PINX1: variants seen among roughly 807,000 people sequenced by gnomAD.
The protein encoded by PINX1 is PIN2/TERF1-interacting telomerase inhibitor 1.
PINX1 carries 34 observed loss-of-function variants against 25.4 expected under a neutral mutation model. That is an observed-to-expected ratio of 1.34 (90% CI 1.02 to 1.78). The LOEUF (loss-of-function observed/expected upper bound fraction) is 1.78. Among genes scored for constraint, PINX1 ranks in the 40% most tolerant of loss-of-function variants. The probability of loss-of-function intolerance (pLI) is 0.00; values close to 1 mark genes in which losing one functional copy is unlikely to be tolerated. For missense variants in PINX1, 592 were observed against 404.9 expected, an observed-to-expected ratio of 1.46 and a Z score of -3.97; for synonymous variants, 197 against 147.7, an observed-to-expected ratio of 1.33 and a Z score of -2.42.
chr8:10,784,035 TAA>T (rs949049559), intron 6 of PINX1, among the ~76,000 whole-genome samples: 2 of 152,184 alleles, frequency 1.3e-5, no homozygotes, highest in Non-Finnish European at 2.9e-5. Context: ...AGAATCCCTA[TAA>T]AGAGTCTAAA....
chr8:10,774,579 C>G (rs1039662542), intron 6 of PINX1, among the ~76,000 whole-genome samples: 1 of 152,042 alleles, frequency 6.6e-6, no homozygotes, highest in Non-Finnish European at 1.5e-5. Flanking sequence ...CCGTGCCCAG[C>G]CGAATAAGGT....
At chr8:10,771,647 A>C (rs1302714547) in intron 6 of PINX1, among the ~76,000 whole-genome samples, 1 of 152,236 alleles carries the variant, frequency 6.6e-6, no homozygotes, top group Non-Finnish European at 1.5e-5. Flanking sequence ...AGCTGGACCA[A>C]GGCTGTGAAG....
At chr8:10,838,249 T>G (rs57868806) in intron 1 of PINX1, among the ~76,000 whole-genome samples, 18,095 of 152,220 alleles carry the variant, frequency 0.12, 1,717 homozygotes, top group African/African-American at 0.26. Context: ...CCTAAGTATC[T>G]AATTACAGAA....
chr8:10,817,066 A>T (rs1586189220), intron 6 of PINX1, among the ~76,000 whole-genome samples: 2 of 152,190 alleles, frequency 1.3e-5, no homozygotes, highest in East Asian at 3.8e-4. Context: ...CCCTTATTGC[A>T]AGGGTGATGC....
intron 6 of PINX1, among the ~76,000 whole-genome samples, chr8:10,788,209 C>T (rs893475767): frequency 6.6e-6 from 1 of 152,118 alleles, no homozygotes; most frequent in Non-Finnish European, 1.5e-5. Flanking sequence ...AGACAGACTC[C>T]TTTATTATTC....
At chr8:10,765,958 T>C (rs1220563792) in intron 6 of PINX1, 42 bp from the exon 7 acceptor site, 1 of 1,590,354 alleles carries the variant, frequency 6.3e-7, no homozygotes, top group Non-Finnish European at 8.6e-7. Flanking sequence ...AAGCATCAAC[T>C]GTTCATCCCT....
intron 6 of PINX1, among the ~76,000 whole-genome samples, chr8:10,808,129 A>G (rs1419413245): frequency 1.3e-5 from 2 of 152,280 alleles, no homozygotes; most frequent in East Asian, 1.9e-4. Context: ...CGATATTTAC[A>G]TAGCAATAAA....
intron 1 of PINX1, among the ~76,000 whole-genome samples, chr8:10,837,054 G>A (rs1459157566): frequency 2.6e-5 from 4 of 152,238 alleles, no homozygotes; most frequent in African/African-American, 9.6e-5. Flanking sequence ...GCTATCCTTT[G>A]AAAGGCCTGT....
chr8:10,825,559 T>A (rs1012215989), intron 5 of PINX1: 1 of 476,366 alleles, frequency 2.1e-6, no homozygotes, highest in African/African-American at 2.0e-5. Context: ...TTTCACATAC[T>A]GGGAAGGGGC....
At chr8:10,784,510 G>C (rs529975707) in intron 6 of PINX1, among the ~76,000 whole-genome samples, 1 of 152,206 alleles carries the variant, frequency 6.6e-6, no homozygotes, top group African/African-American at 2.4e-5. Context: ...GTTCCTTTTA[G>C]AAAGGGTGCT....
At chr8:10,782,418 G>T (rs930181827) in intron 6 of PINX1, among the ~76,000 whole-genome samples, 2 of 102,040 alleles carry the variant, frequency 2.0e-5, no homozygotes, top group African/African-American at 4.6e-5. Flanking sequence ...AAATATACTC[G>T]ATAAAAAAAA....
At chr8:10,812,419 T>A (rs1162524810) in intron 6 of PINX1, among the ~76,000 whole-genome samples, 1 of 152,210 alleles carries the variant, frequency 6.6e-6, no homozygotes, top group Non-Finnish European at 1.5e-5. Flanking sequence ...CTGGAAGGGC[T>A]TGAATGCATT....
chr8:10,839,630 C>T, intron 1 of PINX1, 108 bp downstream of exon 1: 1 of 1,149,608 alleles, frequency 8.7e-7, no homozygotes, highest in Non-Finnish European at 1.3e-6. Context: ...CGATCCCATG[C>T]GCCAGGCGCG....
chr8:10,827,688 T>C (rs758366517), intron 4 of PINX1, among the ~76,000 whole-genome samples: 4 of 150,654 alleles, frequency 2.7e-5, no homozygotes, highest in Admixed American at 6.6e-5. Flanking sequence ...AGGCAGATCA[T>C]GAGGTCAGGA....
At chr8:10,808,903 T>TG (rs1802538717) in intron 6 of PINX1, among the ~76,000 whole-genome samples, 1 of 152,112 alleles carries the variant, frequency 6.6e-6, no homozygotes, top group Non-Finnish European at 1.5e-5. Context: ...AAGGAAAAGT[T>TG]GGAAAAAAAA....
At chr8:10,817,990 G>A (rs2409656) in intron 6 of PINX1, among the ~76,000 whole-genome samples, 9 of 151,984 alleles carry the variant, frequency 5.9e-5, no homozygotes, top group Admixed American at 2.6e-4. Flanking sequence ...GACCCTGACC[G>A]AAGATTTAAT....
chr8:10,810,470 G>A (rs1797466364), intron 6 of PINX1, among the ~76,000 whole-genome samples: 1 of 152,158 alleles, frequency 6.6e-6, no homozygotes, highest in Admixed American at 6.5e-5. Flanking sequence ...GACTCAGTGA[G>A]CATGAGCAGC....
chr8:10,773,152 T>C (rs1251208609), intron 6 of PINX1, among the ~76,000 whole-genome samples: 1 of 152,210 alleles, frequency 6.6e-6, no homozygotes, highest in Non-Finnish European at 1.5e-5. Context: ...GCTCTGTGAC[T>C]GTGAATACAA....
chr8:10,765,372 G>GT lies in PINX1; in HGVS notation c.*28dup, dbSNP rs1224092322. 6.4e-7 allele frequency: 1 copy of GT among 1,551,342 alleles called. No individual in the cohort carries two copies. The highest frequency in any genetic ancestry group is 2.3e-5 in the East Asian group (1 of 44,410). ...GCCCCCGCAGTGCCCTGACAGCTGA[G>GT]TGGTCGGAAGGCCCCGGCTGGGAAG... is the stretch of plus-strand genomic sequence containing the variant. On this transcript the variant is annotated 3_prime_UTR_variant, in exon 7 of 7. Transcript: ENST00000314787.
Sources: gnomAD v4.1 joint callset for allele counts (sites outside exome capture counted in the v4.1 genomes callset) on GRCh38, gnomAD v4.1.1 for gene constraint, MANE v1.5 for transcripts, NCBI Gene and HGNC (gene_info 2026-07-23, HGNC 2026-07-21) for gene names.